Variants in DCTN1 observed in about 807,000 individuals in gnomAD.
DCTN1 encodes the protein 150 kDa dynein-associated polypeptide.
DCTN1 carries 61 observed loss-of-function variants against 161.2 expected under a neutral mutation model. The ratio of observed to expected loss-of-function variants is 0.38; its 90% confidence interval spans 0.31 to 0.47. The LOEUF (loss-of-function observed/expected upper bound fraction) is 0.47, where lower values mean the gene tolerates loss of function less well. DCTN1 is among the 20% of genes least tolerant of loss of function. DCTN1 has a pLI of 0.99. For synonymous variants in DCTN1, 653 were observed against 632.4 expected, an observed-to-expected ratio of 1.03 and a Z score of -0.49; for missense variants, 1,404 against 1,623.7, an observed-to-expected ratio of 0.86 and a Z score of 2.33.
chr2:74,369,294 A>C lies in DCTN1; in HGVS notation c.1584+6T>G. 6.2e-7 allele frequency: 1 copy of C among 1,614,172 alleles called. No homozygotes were observed. On this transcript the variant is annotated splice_donor_region_variant and intron_variant, in intron 14 of 31. Coordinates refer to ENST00000628224, the MANE Select transcript of DCTN1 (RefSeq NM_004082.5). This position sits in a 1 kb window ranked among gnomAD's most constrained non-coding sequence, Gnocchi z 4.9. ...GGTGGGCAGAGAGCAAACAGTGGGCATGTACCTGTAGATGGGCGGTCAGCT... is the reference window on the plus strand; with the variant it reads ...GGTGGGCAGAGAGCAAACAGTGGGCCTGTACCTGTAGATGGGCGGTCAGCT...
chr2:74,371,284 G>A (rs1174028051), intron 8 of DCTN1, 108 bp from the exon 9 acceptor site: 1 of 1,601,712 alleles, frequency 6.2e-7, no homozygotes, highest in Non-Finnish European at 8.5e-7. Context: ...CCCAGCCCCA[G>A]GGTGGCCAAC....
Position 74,380,085 on chromosome 2 carries a change from G to C in DCTN1, c.-48C>G, listed in dbSNP as rs1292168168. 3 of 1,611,212 alleles carry C rather than the reference G, an allele frequency of 1.9e-6. No homozygotes were observed. Among genetic ancestry groups the C allele is most frequent in the East Asian group, 2.2e-5 (1 of 44,856 alleles). On this transcript the variant is annotated 5_prime_UTR_variant, in exon 1 of 32. Coordinates refer to ENST00000628224, the MANE Select transcript of DCTN1 (RefSeq NM_004082.5). ...CCTCCCCCAGCTGGCCAAAGACAGA[G>C]AGAAAAGGTAGAAACCTAGGCAGGA...
At chr2:74,367,588 C>A in intron 18 of DCTN1, 108 bp downstream of exon 18, 1 of 1,557,768 alleles carries the variant, frequency 6.4e-7, no homozygotes, top group Non-Finnish European at 8.8e-7. Flanking sequence ...GCAAACCAGG[C>A]CTCAAGCAGC....
rs1676001448 is a variant in DCTN1, at chr2:74,391,591, A to C, written c.-19+203T>G. 8.7e-6 allele frequency: 3 copies of C among 343,614 alleles called. No homozygotes were observed. In the Admixed American group the frequency reaches 1.2e-4, roughly 14 times the overall value. 21.3% of individuals were successfully genotyped at this position (343,614 alleles called of 1,614,324 possible). On this transcript the variant is annotated intron_variant, in intron 1 of 27. Coordinates refer to the DCTN1 transcript ENST00000409240. Reference sequence around the variant, plus strand: ...GGCGCAGTCACTCTGATCCCAGGAGAACAATGCTAGGCTGAAGAGCTGAGG... The same window carrying C: ...GGCGCAGTCACTCTGATCCCAGGAGCACAATGCTAGGCTGAAGAGCTGAGG...
intron 2 of DCTN1, 42 bp from the exon 3 acceptor site, chr2:74,377,768 T>A (rs3815241): frequency 6.3e-7 from 1 of 1,579,542 alleles, no homozygotes; most frequent in Non-Finnish European, 8.7e-7. Flanking sequence ...AGTTTCAATA[T>A]AGCCAGATCA....
intron 29 of DCTN1, 103 bp downstream of exon 29, chr2:74,362,891 G>T: frequency 1.4e-6 from 2 of 1,403,410 alleles, no homozygotes; most frequent in South Asian, 1.2e-5. Flanking sequence ...GAACACTGCT[G>T]GGAAGAGCTT....
intron 7 of DCTN1, 126 bp from the exon 8 acceptor site, chr2:74,371,854 T>G: frequency 1.3e-6 from 1 of 755,364 alleles, no homozygotes; most frequent in Non-Finnish European, 2.2e-6. Context: ...AGAAAGAGAG[T>G]ATCAAAGCAC....
At chr2:74,362,525 G>T in intron 30 of DCTN1, 125 bp downstream of exon 30, 1 of 988,136 alleles carries the variant, frequency 1.0e-6, no homozygotes, top group Non-Finnish European at 1.5e-6. Context: ...CAAGAACCCT[G>T]CCTTCCCTTC....
intron 1 of DCTN1, among the ~76,000 whole-genome samples, chr2:74,387,251 C>T (rs1675773122): frequency 6.6e-6 from 1 of 152,220 alleles, no homozygotes; most frequent in East Asian, 1.9e-4. Flanking sequence ...TTCCTAGCTT[C>T]CTGGGCAACA....
chr2:74,382,943 C>A (rs559963327), upstream of DCTN1, among the ~76,000 whole-genome samples: 8 of 151,602 alleles, frequency 5.3e-5, no homozygotes, highest in Middle Eastern at 3.2e-3. Context: ...GGCGCGGTGG[C>A]GGGCGCCTGT....
At chr2:74,361,972 C>T in intron 31 of DCTN1, 80 bp downstream of exon 31, 1 of 1,438,846 alleles carries the variant, frequency 7.0e-7, no homozygotes, top group Non-Finnish European at 9.8e-7. Flanking sequence ...ACTCCAAAGG[C>T]CTCCTCCAAT....
In DCTN1 at chr2:74,371,358, A is replaced by G. The variant is rs1674830297; in HGVS notation, c.645+179T>C. ...ACAGTATATATGGGGAAAGTATGGCATAAGGGCAAGAAAGGAAAGGATGGC... is the reference window on the plus strand; with the variant it reads ...ACAGTATATATGGGGAAAGTATGGCGTAAGGGCAAGAAAGGAAAGGATGGC... On this transcript the variant is annotated intron_variant, in intron 8 of 31. Coordinates refer to ENST00000628224, the MANE Select transcript of DCTN1 (RefSeq NM_004082.5). 5 of 1,393,886 alleles carry G rather than the reference A, an allele frequency of 3.6e-6. No homozygotes were observed. The Admixed American group carries it at 1.0e-4, about 28-fold the overall frequency. The allele number at this position is 1,393,886 out of a possible 1,614,324, so 86.3% of individuals were successfully genotyped here. A position where few individuals can be genotyped will look rare whatever the true frequency, so the allele number is the denominator to read the frequency against.
At position 74,369,972 on chromosome 2, in the gene DCTN1, C is replaced by T. The variant is rs770327750; in HGVS notation, c.1385G>A (p.Gly462Glu). 7 of 1,614,050 alleles carry T rather than the reference C, an allele frequency of 4.3e-6. No individual in the cohort carries two copies. In the East Asian group the frequency reaches 1.6e-4, roughly 36 times the overall value. Residue 462 changes from glycine (G) to glutamate (E), a missense_variant, in exon 13 of 32, where the codon GGA becomes GAA. Physicochemically the swap from Gly to Glu is moderately conservative, Grantham distance 98 (BLOSUM62 -2). Around this residue, in one of 9 missense-constraint regions of DCTN1, gnomAD observed 278 missense variants for 363.8 expected, o/e 0.76. Transcript: ENST00000628224. This position sits in a 1 kb window ranked among gnomAD's most constrained non-coding sequence, Gnocchi z 4.9. ...GGTCTGCTCTTCTCTTACCAAGTCT[C>T]CCACAGTCTCCCTCAACTCGCGCAC... Reference protein sequence around the residue: ...EKVRELRETVGDLEAMNEMND... With the variant: ...EKVRELRETVEDLEAMNEMND...
intron 5 of DCTN1, among the ~76,000 whole-genome samples, chr2:74,375,220 C>T (rs1383007529): frequency 6.6e-6 from 1 of 152,174 alleles, no homozygotes; most frequent in Non-Finnish European, 1.5e-5. Context: ...TCCAACCATC[C>T]CCTGGTTGTA....
exon 1 of DCTN1, chr2:74,391,858 G>C: frequency 2.2e-6 from 1 of 453,256 alleles, no homozygotes; most frequent in Non-Finnish European, 4.4e-6. Context: ...AAGACCCTGC[G>C]GGGCCGGCCC....
At chr2:74,374,573 G>T in intron 5 of DCTN1, 1 of 1,326,462 alleles carries the variant, frequency 7.5e-7, no homozygotes, top group Middle Eastern at 3.0e-4. Context: ...TGACACAGAG[G>T]CCCCCGCAGA....
intron 1 of DCTN1, among the ~76,000 whole-genome samples, chr2:74,389,442 C>G (rs570542338): frequency 5.8e-4 from 89 of 152,246 alleles, no homozygotes; most frequent in African/African-American, 2.0e-3. Flanking sequence ...TCTATAATCC[C>G]TTTCAACCTA....
chr2:74,371,385 C>T (rs1031521793), intron 8 of DCTN1, 152 bp downstream of exon 8: 7 of 1,255,216 alleles, frequency 5.6e-6, no homozygotes, highest in Non-Finnish European at 4.5e-6. Context: ...AAGGATGGCT[C>T]AGTCAGTAGC....
At chr2:74,377,506 G>A (rs755943996) in intron 3 of DCTN1, 40 bp from the exon 4 acceptor site, 5 of 1,582,550 alleles carry the variant, frequency 3.2e-6, no homozygotes, top group Non-Finnish European at 3.5e-6. Context: ...TACTTGTATA[G>A]AGAGGTAGGG....
Sources: allele counts gnomAD v4.1 joint callset (sites outside exome capture counted in the v4.1 genomes callset), GRCh38; gene constraint gnomAD v4.1.1; regional missense constraint gnomAD v4.1.1; non-coding constraint Gnocchi (gnomAD v3.1); transcripts MANE v1.5; gene names NCBI Gene and HGNC (gene_info 2026-07-23, HGNC 2026-07-21).